Variants in PCSK6 observed in about 807,000 individuals in gnomAD.
PCSK6 encodes proprotein convertase subtilisin/kexin type 6.
PCSK6 carries 85 observed loss-of-function variants against 123.3 expected under a neutral mutation model. That is an observed-to-expected ratio of 0.69 (90% CI 0.58 to 0.83). PCSK6 has a LOEUF of 0.83. Ranked by LOEUF, PCSK6 falls within the 40% of genes least tolerant of loss-of-function variation. The pLI is 0.00. For missense variants in PCSK6, 1,191 were observed against 1,282.3 expected, an observed-to-expected ratio of 0.93 and a Z score of 1.09; for synonymous variants, 508 against 516.0, an observed-to-expected ratio of 0.98 and a Z score of 0.21.
intron 1 of PCSK6, among the ~76,000 whole-genome samples, chr15:101,460,547 G>A (rs61382622): frequency 0.55 from 82,924 of 152,056 alleles, 24,119 homozygotes; most frequent in Non-Finnish European, 0.67. Context: ...TCTGTCAAGA[G>A]GTGTAATCCA....
intron 11 of PCSK6, among the ~76,000 whole-genome samples, chr15:101,370,989 T>C (rs765546693): frequency 6.6e-6 from 1 of 152,104 alleles, no homozygotes; most frequent in Non-Finnish European, 1.5e-5. Context: ...GGAGGGCAGA[T>C]CACAAGGTCA....
In PCSK6 at chr15:101,414,517, T is replaced by G. The variant is rs573906084; in HGVS notation, c.823+13375A>C. Among the ~76,000 whole-genome samples, 3 of 152,274 alleles carry G rather than the reference T, an allele frequency of 2.0e-5. No individual in the cohort carries two copies. In the South Asian group the frequency reaches 6.2e-4, roughly 32 times the overall value. On this transcript the variant is annotated intron_variant, in intron 6 of 21. Coordinates refer to ENST00000611716, the MANE Select transcript of PCSK6 (RefSeq NM_002570.5). ...CAAGGAGGTGACGACAGACAGAAGA[T>G]GGCAGAGGAGTGGAGCTATGGTAAG... is the stretch of plus-strand genomic sequence containing the variant.
At chr15:101,332,063 C>A (rs764562719) in intron 13 of PCSK6, 32 bp from the exon 14 acceptor site, 9 of 1,554,974 alleles carry the variant, frequency 5.8e-6, no homozygotes, top group African/African-American at 1.4e-5. Context: ...GAGTTACCTG[C>A]CTGTGCCAAG....
intron 1 of PCSK6, among the ~76,000 whole-genome samples, chr15:101,451,655 C>T (rs1318959111): frequency 1.3e-5 from 2 of 152,234 alleles, no homozygotes; most frequent in African/African-American, 2.4e-5. Flanking sequence ...TGCCTGCTTC[C>T]GGAGCCGCTT....
At chr15:101,456,456 A>T (rs2057183418) in intron 1 of PCSK6, among the ~76,000 whole-genome samples, 1 of 152,092 alleles carries the variant, frequency 6.6e-6, no homozygotes, top group Non-Finnish European at 1.5e-5. Flanking sequence ...CCATTCCCTC[A>T]TTCCTTCCCT....
chr15:101,458,075 C>G (rs1160781516), intron 1 of PCSK6, among the ~76,000 whole-genome samples: 4 of 152,226 alleles, frequency 2.6e-5, no homozygotes, highest in African/African-American at 9.6e-5. Context: ...TGGCTTGCAA[C>G]AACATGGTCA....
intron 1 of PCSK6, among the ~76,000 whole-genome samples, chr15:101,486,478 A>G (rs556101882): frequency 3.3e-5 from 5 of 152,148 alleles, no homozygotes; most frequent in Non-Finnish European, 7.3e-5. Context: ...TTATCCATGT[A>G]GTTATGTCAT....
chr15:101,474,048 G>C (rs575447745), intron 1 of PCSK6, among the ~76,000 whole-genome samples: 2 of 152,272 alleles, frequency 1.3e-5, no homozygotes, highest in South Asian at 2.1e-4. Flanking sequence ...AAACAGAACC[G>C]TGTATAAGAC....
intron 7 of PCSK6, among the ~76,000 whole-genome samples, chr15:101,394,465 G>C: frequency 6.6e-6 from 1 of 152,174 alleles, no homozygotes; most frequent in East Asian, 1.9e-4. Context: ...TGAACTGACG[G>C]ATATAGTCCA....
intron 2 of PCSK6, 33 bp from the exon 3 acceptor site, chr15:101,432,133 A>G (rs753643372): frequency 6.5e-7 from 1 of 1,549,892 alleles, no homozygotes. Flanking sequence ...TGTTTATATT[A>G]GAAATGATTT....
At chr15:101,310,044 G>A (rs1218139920) in intron 20 of PCSK6, among the ~76,000 whole-genome samples, 2 of 152,208 alleles carry the variant, frequency 1.3e-5, no homozygotes, top group Admixed American at 1.3e-4. Flanking sequence ...CAGCAGCAGC[G>A]GACGGCCACG....
intron 19 of PCSK6, among the ~76,000 whole-genome samples, chr15:101,317,952 C>A (rs2040029914): frequency 6.6e-6 from 1 of 152,234 alleles, no homozygotes; most frequent in Non-Finnish European, 1.5e-5. Context: ...CCCATCTCTG[C>A]CTCTCTAAGT....
chr15:101,437,013 G>A (rs780621278), intron 2 of PCSK6, among the ~76,000 whole-genome samples: 2 of 152,150 alleles, frequency 1.3e-5, no homozygotes, highest in African/African-American at 2.4e-5. Flanking sequence ...GGACAGGCTC[G>A]AGTCCCAGAA....
intron 18 of PCSK6, among the ~76,000 whole-genome samples, chr15:101,320,341 C>T (rs1230086925): frequency 6.6e-6 from 1 of 152,202 alleles, no homozygotes; most frequent in African/African-American, 2.4e-5. Context: ...CTGCCTCGGC[C>T]TCCCAAAGTG....
In PCSK6 at chr15:101,354,709, C is replaced by A. The variant is rs114583500; in HGVS notation, c.1858+11487G>T. On this transcript the variant is annotated intron_variant, in intron 13 of 21. Transcript: ENST00000611716. ...TAAACATAAAATGGAGAAAACAGTA[C>A]AATGAGTCCCCGTGCCCCATCACAC... Among the ~76,000 whole-genome samples, 964 of 152,350 alleles carry A rather than the reference C, an allele frequency of 6.3e-3. 15 individuals are homozygous for A. Among genetic ancestry groups the A allele is most frequent in the African/African-American group, 0.022 (913 of 41,584 alleles).
At chr15:101,346,397 G>A (rs1308122798) in intron 13 of PCSK6, 1 of 153,894 alleles carries the variant, frequency 6.5e-6, no homozygotes, top group African/African-American at 2.4e-5. Flanking sequence ...GATATTTAAT[G>A]ACATAGAAAC....
intron 6 of PCSK6, among the ~76,000 whole-genome samples, chr15:101,426,093 A>G (rs2056246775): frequency 6.6e-6 from 1 of 152,204 alleles, no homozygotes; most frequent in Admixed American, 6.5e-5. Context: ...GCAAGGCTCA[A>G]GCAACTCCAA....
At chr15:101,474,370 T>C (rs540784789) in intron 1 of PCSK6, among the ~76,000 whole-genome samples, 7 of 152,350 alleles carry the variant, frequency 4.6e-5, no homozygotes, top group African/African-American at 1.7e-4. Flanking sequence ...GCCTCTGCTG[T>C]GACCCTCGGA....
At chr15:101,440,581 T>C (rs2056729856) in intron 2 of PCSK6, among the ~76,000 whole-genome samples, 1 of 152,258 alleles carries the variant, frequency 6.6e-6, no homozygotes. Context: ...TTGATGGAAC[T>C]TTATCCTAAG....
Sources: allele counts gnomAD v4.1 joint callset (sites outside exome capture counted in the v4.1 genomes callset), GRCh38; gene constraint gnomAD v4.1.1; transcripts MANE v1.5; gene names NCBI Gene and HGNC (gene_info 2026-07-23, HGNC 2026-07-21).